The following MYO1E variants were observed in gnomAD, a reference collection of about 807,000 sequenced individuals.
MYO1E encodes unconventional myosin-Ie.
MYO1E carries 68 observed loss-of-function variants against 151.1 expected under a neutral mutation model. The observed-to-expected ratio is 0.45, with a 90% CI of 0.37 to 0.55. MYO1E has a LOEUF of 0.55. MYO1E is among the 20% of genes least tolerant of loss of function. The probability of loss-of-function intolerance (pLI) is 0.00; values close to 1 mark genes in which losing one functional copy is unlikely to be tolerated. For synonymous variants in MYO1E, 601 were observed against 501.7 expected, an observed-to-expected ratio of 1.20 and a Z score of -2.64; for missense variants, 1,363 against 1,389.3, an observed-to-expected ratio of 0.98 and a Z score of 0.30.
intron 1 of MYO1E, among the ~76,000 whole-genome samples, chr15:59,305,437 C>T (rs912549915): frequency 7.9e-5 from 12 of 152,074 alleles, no homozygotes; most frequent in African/African-American, 2.4e-4. Context: ...TCAAGTGATC[C>T]GCCCACCTCA....
chr15:59,144,012 G>A (rs1192930446), intron 26 of MYO1E, among the ~76,000 whole-genome samples: 1 of 152,258 alleles, frequency 6.6e-6, no homozygotes. Context: ...CCCTGAGATG[G>A]GGCCTCAAGC....
At chr15:59,205,723 C>T (rs2079829377) in intron 14 of MYO1E, among the ~76,000 whole-genome samples, 1 of 152,168 alleles carries the variant, frequency 6.6e-6, no homozygotes, top group Non-Finnish European at 1.5e-5. Flanking sequence ...CCTGCAGATG[C>T]TGATGAGTAT....
At chr15:59,169,022 A>G (rs1301698820) in intron 22 of MYO1E, among the ~76,000 whole-genome samples, 1 of 152,254 alleles carries the variant, frequency 6.6e-6, no homozygotes, top group East Asian at 1.9e-4. Context: ...AGAAATAAAC[A>G]ATAAATTCTT....
At chr15:59,195,638 T>A in intron 16 of MYO1E, 71 bp from the exon 17 acceptor site, 1 of 1,323,766 alleles carries the variant, frequency 7.6e-7, no homozygotes, top group Non-Finnish European at 1.1e-6. Flanking sequence ...AGGAGACTTG[T>A]AAAACTCTCT....
chr15:59,363,832 G>A (rs1421024130), intron 1 of MYO1E, among the ~76,000 whole-genome samples: 4 of 152,164 alleles, frequency 2.6e-5, no homozygotes, highest in Admixed American at 6.5e-5. Flanking sequence ...CTGGAGTGCA[G>A]TGGCAAGATC....
At chr15:59,296,026 A>G (rs2080446530) in intron 1 of MYO1E, among the ~76,000 whole-genome samples, 2 of 152,208 alleles carry the variant, frequency 1.3e-5, no homozygotes, top group Admixed American at 1.3e-4. Context: ...AGAGACAGAG[A>G]AAAAACAAAC....
intron 17 of MYO1E, among the ~76,000 whole-genome samples, chr15:59,194,443 T>C (rs1248694264): frequency 1.3e-5 from 2 of 152,200 alleles, no homozygotes; most frequent in Non-Finnish European, 2.9e-5. Flanking sequence ...AGGATCTTAC[T>C]GGCAGGAAGG....
intron 2 of MYO1E, chr15:59,266,818 C>A (rs142688365): frequency 2.0e-5 from 3 of 151,312 alleles, no homozygotes; most frequent in African/African-American, 7.3e-5. Context: ...CCCGCCACCA[C>A]GCCCGGCTAA....
In MYO1E at chr15:59,191,332, CAGAGAG is replaced by C. The variant is rs34694267; in HGVS notation, c.1806-3122_1806-3117del. On this transcript the variant is annotated intron_variant, in intron 17 of 27. Transcript: ENST00000288235. ...CCCATATAAGTCAGACAGACAGAGA[CAGAGAG>C]AGAGAGAGAGAGAGAGAGAGAGAGA... Among the ~76,000 whole-genome samples, 172 of 105,612 alleles carry C rather than the reference CAGAGAG, an allele frequency of 1.6e-3. 1 individual carries two copies. The highest frequency in any genetic ancestry group is 2.5e-3 in the African/African-American group (72 of 29,014). The allele number at this position is 105,612 out of a possible 152,430, so 69.3% of individuals were successfully genotyped here.
chr15:59,350,664 T>C lies in MYO1E; in HGVS notation c.3+21834A>G, dbSNP rs1183182989. 6.6e-6 allele frequency among the ~76,000 whole-genome samples: 1 copy of C among 152,154 alleles called. No homozygotes were observed. The highest frequency in any genetic ancestry group is 6.5e-5 in the Admixed American group (1 of 15,270). On this transcript the variant is annotated intron_variant, in intron 1 of 27. Transcript: ENST00000288235. The surrounding 1 kb of genome is among the most constrained non-coding windows in gnomAD (Gnocchi z 5.0). Reference sequence around the variant, plus strand: ...GAAAGATGGTGAATTCTGAAAAATATAAAGAAATGTAAATTATCTCTGATC... The same window carrying C: ...GAAAGATGGTGAATTCTGAAAAATACAAAGAAATGTAAATTATCTCTGATC...
chr15:59,161,342 C>T (rs932488479), intron 23 of MYO1E, 112 bp from the exon 24 acceptor site: 20 of 1,207,352 alleles, frequency 1.7e-5, no homozygotes, highest in Non-Finnish European at 2.2e-5. Flanking sequence ...GAGGCGAGAA[C>T]GGACAATCTA....
At chr15:59,213,799 A>AC (rs2079896393) in intron 12 of MYO1E, among the ~76,000 whole-genome samples, 1 of 152,172 alleles carries the variant, frequency 6.6e-6, no homozygotes, top group African/African-American at 2.4e-5. Flanking sequence ...AAGGCATGTT[A>AC]CCTCAGGTAA....
intron 10 of MYO1E, among the ~76,000 whole-genome samples, chr15:59,217,518 C>CATT (rs1334637019): frequency 9.3e-5 from 1 of 10,708 alleles, no homozygotes; most frequent in African/African-American, 2.5e-4. Context: ...AGTCGTTTTA[C>CATT]CTTTTTTTTT....
intron 1 of MYO1E, among the ~76,000 whole-genome samples, chr15:59,281,126 G>A (rs986007438): frequency 6.6e-6 from 1 of 152,152 alleles, no homozygotes; most frequent in African/African-American, 2.4e-5. Context: ...ACATGTTCAA[G>A]TTTGTATCTC....
chr15:59,262,597 G>A (rs1206463067), intron 2 of MYO1E, among the ~76,000 whole-genome samples: 1 of 152,252 alleles, frequency 6.6e-6, no homozygotes, highest in Non-Finnish European at 1.5e-5. Context: ...GTTACAGCAA[G>A]CCAAGATCAC....
chr15:59,210,241 C>G (rs1235835999), intron 13 of MYO1E, among the ~76,000 whole-genome samples: 1 of 152,030 alleles, frequency 6.6e-6, no homozygotes. Context: ...TCTTTCCATG[C>G]TAAGTCATCA....
intron 22 of MYO1E, among the ~76,000 whole-genome samples, chr15:59,167,482 G>C (rs2079569144): frequency 6.6e-6 from 1 of 152,046 alleles, no homozygotes; most frequent in Non-Finnish European, 1.5e-5. Flanking sequence ...AATAAGAGTG[G>C]GGCCAGGCCA....
chr15:59,175,279 T>G (rs1431165047), intron 19 of MYO1E, among the ~76,000 whole-genome samples: 2 of 152,184 alleles, frequency 1.3e-5, no homozygotes, highest in Non-Finnish European at 2.9e-5. Context: ...GAGAGTGGCT[T>G]ACATGACTCT....
intron 26 of MYO1E, among the ~76,000 whole-genome samples, chr15:59,141,749 G>A (rs7173787): frequency 1.5e-5 from 2 of 137,432 alleles, no homozygotes; most frequent in East Asian, 4.9e-4. Flanking sequence ...AGTGAGTCGA[G>A]ATTGAGCCAC....
Sources: gnomAD v4.1 joint callset for allele counts (sites outside exome capture counted in the v4.1 genomes callset) on GRCh38, gnomAD v4.1.1 for gene constraint, Gnocchi (gnomAD v3.1) non-coding constraint, MANE v1.5 for transcripts, NCBI Gene and HGNC (gene_info 2026-07-23, HGNC 2026-07-21) for gene names.